The following GRM7 variants were observed in gnomAD, a reference collection of about 807,000 sequenced individuals.
The protein encoded by GRM7 is glutamate metabotropic receptor 7.
Under a neutral mutation model 84.5 loss-of-function variants are expected in GRM7, and 35 were observed. That is an observed-to-expected ratio of 0.41 (90% CI 0.32 to 0.55). The LOEUF is 0.55. Ranked by LOEUF, GRM7 falls within the 20% of genes least tolerant of loss-of-function variation. The pLI, the probability that GRM7 is intolerant of heterozygous loss-of-function variation, is 0.19. For missense variants in GRM7, 1,003 were observed against 1,194.6 expected (o/e 0.84, Z 2.36); for synonymous variants, 487 against 455.1 (o/e 1.07, Z -0.89).
In GRM7 at chr3:7,459,294, A is replaced by G. The variant is rs1052028004; in HGVS notation, c.1376-2289A>G. ...GAAAATTAAAAAAATGTTTATAGTG[A>G]TGGAGAAATTTAAATTAGATACCAG... On this transcript the variant is annotated intron_variant, in intron 6 of 9. Transcript: ENST00000357716. 2.9e-4 allele frequency among the ~76,000 whole-genome samples: 44 copies of G among 152,144 alleles called. 1 individual carries two copies. The highest frequency in any genetic ancestry group is 1.0e-3 in the Admixed American group (16 of 15,272).
At chr3:7,283,333 C>A (rs866973454) in intron 2 of GRM7, among the ~76,000 whole-genome samples, 1 of 151,834 alleles carries the variant, frequency 6.6e-6, no homozygotes, top group Non-Finnish European at 1.5e-5. Flanking sequence ...TTAGATAATG[C>A]GTATAAAGTA....
chr3:7,465,826 C>T (rs1575379171), intron 7 of GRM7, among the ~76,000 whole-genome samples: 1 of 151,992 alleles, frequency 6.6e-6, no homozygotes, highest in East Asian at 1.9e-4. Flanking sequence ...TTTAGAATCC[C>T]AGCTCTGTAG....
chr3:7,433,523 G>T (rs1046370552), intron 5 of GRM7, among the ~76,000 whole-genome samples: 10 of 152,198 alleles, frequency 6.6e-5, no homozygotes, highest in Non-Finnish European at 4.4e-5. Context: ...TGGTGAGACA[G>T]ACCAGTGAAT....
chr3:7,113,619 A>T (rs1477887870), intron 1 of GRM7, among the ~76,000 whole-genome samples: 1 of 152,096 alleles, frequency 6.6e-6, no homozygotes, highest in Admixed American at 6.6e-5. Context: ...TGCCCATTCT[A>T]TGGCTTTGGA....
chr3:7,713,119 G>GTTTTTTTTTTTTTTTTTTTTTTTT (rs1553640882), intron 9 of GRM7, among the ~76,000 whole-genome samples: 1 of 55,642 alleles, frequency 1.8e-5, no homozygotes, highest in African/African-American at 6.3e-5. Flanking sequence ...TTCGAATTTT[G>GTTTTTTTTTTTTTTTTTTTTTTTT]TTTTGTTTTT....
intron 8 of GRM7, among the ~76,000 whole-genome samples, chr3:7,591,733 A>T (rs1421623492): frequency 6.6e-6 from 1 of 152,184 alleles, no homozygotes; most frequent in African/African-American, 2.4e-5. Flanking sequence ...ATCAATCACC[A>T]GTCCAAACAC....
At chr3:7,187,050 T>A (rs1367305700) in intron 2 of GRM7, among the ~76,000 whole-genome samples, 1 of 152,060 alleles carries the variant, frequency 6.6e-6, no homozygotes, top group Non-Finnish European at 1.5e-5. Context: ...CTTTGATCAC[T>A]CCAGTGTGAA....
intron 7 of GRM7, among the ~76,000 whole-genome samples, chr3:7,510,458 A>T (rs1195006050): frequency 6.6e-6 from 1 of 152,218 alleles, no homozygotes; most frequent in Non-Finnish European, 1.5e-5. Flanking sequence ...AAGGTACTCA[A>T]CACATATTGA....
intron 7 of GRM7, among the ~76,000 whole-genome samples, chr3:7,567,497 T>C (rs755414629): frequency 5.3e-5 from 8 of 151,980 alleles, no homozygotes; most frequent in Non-Finnish European, 8.8e-5. Flanking sequence ...CCTGTAATCC[T>C]AGCACTTTGA....
At position 7,008,735 on chromosome 3, in the gene GRM7, T is replaced by A. The variant is rs537189446; in HGVS notation, c.520-137717T>A. Among the ~76,000 whole-genome samples, 6 of 152,316 alleles carry A rather than the reference T, an allele frequency of 3.9e-5. No individual in the cohort carries two copies. In the South Asian group the frequency reaches 1.0e-3, roughly 26 times the overall value. On this transcript the variant is annotated intron_variant, in intron 1 of 9. Coordinates refer to ENST00000357716, the MANE Select transcript of GRM7 (RefSeq NM_000844.4). ...GGGGCCAGAAGTGGCTTTCAGAGCC[T>A]GAGTAGACTCACACAATAATCTCCT...
Position 7,349,015 on chromosome 3 carries a change from A to T in GRM7, c.1033+42363A>T, listed in dbSNP as rs80141321. Among the ~76,000 whole-genome samples, 53 of 152,234 alleles carry T rather than the reference A, an allele frequency of 3.5e-4. 1 individual carries two copies. In the East Asian group the frequency reaches 9.7e-3, roughly 28 times the overall value. The stretch of plus-strand genomic sequence containing the variant: ...GCCTTCATGCAACGGAGGGGTTATA[A>T]AACGTGGTCCCTGTGGTCCTCCTTT... On this transcript the variant is annotated intron_variant, in intron 4 of 9. Transcript: ENST00000357716.
chr3:6,925,052 A>C (rs1171448635), intron 1 of GRM7, among the ~76,000 whole-genome samples: 1 of 152,192 alleles, frequency 6.6e-6, no homozygotes, highest in Non-Finnish European at 1.5e-5. Flanking sequence ...CTGAAGAAAG[A>C]AAAAGAGATA....
intron 9 of GRM7, among the ~76,000 whole-genome samples, chr3:7,724,179 G>C (rs966200913): frequency 1.3e-5 from 2 of 152,154 alleles, no homozygotes; most frequent in African/African-American, 4.8e-5. Context: ...ATGCCTGCCT[G>C]TATTAACCAC....
At chr3:7,319,043 TTTAA>T (rs748490751) in intron 4 of GRM7, among the ~76,000 whole-genome samples, 2 of 152,064 alleles carry the variant, frequency 1.3e-5, no homozygotes, top group South Asian at 2.1e-4. Context: ...TTCAACAAAC[TTTAA>T]TTGAGTTCAA....
chr3:7,740,338 T>A lies in GRM7; in HGVS notation c.2699-19T>A. 1 of 1,542,480 alleles carries A rather than the reference T, an allele frequency of 6.5e-7. No homozygotes were observed. Among genetic ancestry groups the A allele is most frequent in the Non-Finnish European group, 8.9e-7 (1 of 1,123,130 alleles). ...ACAGGGTTATTACTGCAACTGACAC[T>A]TTCTAATTTTTCTTTCAGGCCCTGC... On this transcript the variant is annotated intron_variant, in intron 9 of 9. Coordinates refer to ENST00000357716, the MANE Select transcript of GRM7 (RefSeq NM_000844.4).
chr3:6,945,323 T>G (rs148913082), intron 1 of GRM7, among the ~76,000 whole-genome samples: 13,993 of 151,998 alleles, frequency 0.092, 676 homozygotes, highest in Middle Eastern at 0.12. Context: ...TTTGGTTTTT[T>G]GTCCTTGTGA....
At chr3:7,159,924 A>G (rs374140915) in intron 2 of GRM7, among the ~76,000 whole-genome samples, 42 of 152,210 alleles carry the variant, frequency 2.8e-4, no homozygotes, top group African/African-American at 8.4e-4. Flanking sequence ...AGAGTTTCTA[A>G]GAGATCTAGT....
intron 8 of GRM7, among the ~76,000 whole-genome samples, chr3:7,632,126 G>A: frequency 6.6e-6 from 1 of 152,202 alleles, no homozygotes; most frequent in East Asian, 1.9e-4. Flanking sequence ...GTAAGTGGAG[G>A]TGCTAGAGGC....
At chr3:6,888,758 A>T (rs1387554864) in intron 1 of GRM7, among the ~76,000 whole-genome samples, 1 of 152,048 alleles carries the variant, frequency 6.6e-6, no homozygotes, top group Non-Finnish European at 1.5e-5. Flanking sequence ...GTTTTTTCCA[A>T]TTCTGTGAAG....
Sources: allele counts gnomAD v4.1 joint callset (sites outside exome capture counted in the v4.1 genomes callset), GRCh38; gene constraint gnomAD v4.1.1; transcripts MANE v1.5; gene names NCBI Gene and HGNC (gene_info 2026-07-23, HGNC 2026-07-21).